Variants in TMEM178B observed in about 807,000 individuals in gnomAD.
TMEM178B encodes transmembrane protein 178B.
In TMEM178B, 5 loss-of-function variants were observed where a neutral mutation model predicts 31.0. The observed-to-expected ratio is 0.16, with a 90% confidence interval of 0.08 to 0.34. The LOEUF (loss-of-function observed/expected upper bound fraction) is 0.34. Ranked by LOEUF, TMEM178B falls within the 10% of genes least tolerant of loss-of-function variation. The pLI, the probability that TMEM178B is intolerant of heterozygous loss-of-function variation, is 1.00. For missense variants in TMEM178B, 275 were observed against 400.3 expected (o/e 0.69, Z 2.67); for synonymous variants, 164 against 164.0 (o/e 1.00, Z 0.00).
At chr7:141,311,316 A>G (rs1166377211) in intron 2 of TMEM178B, among the ~76,000 whole-genome samples, 2 of 152,230 alleles carry the variant, frequency 1.3e-5, no homozygotes, top group Non-Finnish European at 2.9e-5. Flanking sequence ...AGTTTTAAAA[A>G]TGTCCCATTT....
chr7:141,201,827 A>G (rs1021033373), intron 1 of TMEM178B, among the ~76,000 whole-genome samples: 1 of 152,236 alleles, frequency 6.6e-6, no homozygotes, highest in African/African-American at 2.4e-5. Context: ...TGATAAGAGC[A>G]GTAGAGTCTG....
intron 1 of TMEM178B, among the ~76,000 whole-genome samples, chr7:141,099,845 T>TG (rs1795023557): frequency 6.6e-6 from 1 of 151,486 alleles, no homozygotes; most frequent in South Asian, 2.1e-4. Flanking sequence ...TTTTTTTTTT[T>TG]TTGAGACAGA....
intron 2 of TMEM178B, among the ~76,000 whole-genome samples, chr7:141,336,856 CACT>C (rs1442271763): frequency 2.1e-5 from 3 of 144,662 alleles, no homozygotes; most frequent in South Asian, 2.3e-4. Flanking sequence ...CCATTACCAT[CACT>C]ACCATCATCA....
intron 3 of TMEM178B, among the ~76,000 whole-genome samples, chr7:141,451,130 A>C (rs1801854887): frequency 1.3e-5 from 2 of 152,184 alleles, no homozygotes; most frequent in Admixed American, 1.3e-4. Flanking sequence ...AAATGGAGCC[A>C]CTTCTGCTAC....
intron 2 of TMEM178B, among the ~76,000 whole-genome samples, chr7:141,335,037 CT>C (rs1478322379): frequency 1.3e-5 from 2 of 152,200 alleles, no homozygotes; most frequent in African/African-American, 4.8e-5. Context: ...TCTCCTGGGG[CT>C]GCCAAATCAA....
At position 141,192,472 on chromosome 7, in the gene TMEM178B, G is replaced by A. The variant is rs1324976382; in HGVS notation, c.383-20119G>A. Among the ~76,000 whole-genome samples, 4 of 149,622 alleles carry A rather than the reference G, an allele frequency of 2.7e-5. No homozygotes were observed. In the East Asian group the frequency reaches 7.9e-4, roughly 29 times the overall value. On this transcript the variant is annotated intron_variant, in intron 1 of 3. Transcript: ENST00000565468. ...GGGTTGAGAGATGGGAAGGAATGGG[G>A]ACTCTCCATGCAGCGGTCTTTTTTT...
At chr7:141,340,038 C>T (rs113715220) in intron 2 of TMEM178B, among the ~76,000 whole-genome samples, 3,987 of 152,282 alleles carry the variant, frequency 0.026, 89 homozygotes, top group African/African-American at 0.063. Context: ...CACCTTAATC[C>T]CTGGAACCTG....
intron 3 of TMEM178B, among the ~76,000 whole-genome samples, chr7:141,467,196 T>C (rs1802160276): frequency 2.0e-5 from 3 of 152,134 alleles, no homozygotes; most frequent in East Asian, 1.9e-4. Context: ...TCAGGGAGTC[T>C]AGGTTGAGAC....
At chr7:141,496,047 T>A in the TMEM178B span, among the ~76,000 whole-genome samples, 1 of 152,218 alleles carries the variant, frequency 6.6e-6, no homozygotes, top group Non-Finnish European at 1.5e-5. Flanking sequence ...GGCCATTCTC[T>A]GCAGTGCCCA....
intron 2 of TMEM178B, among the ~76,000 whole-genome samples, chr7:141,275,251 G>A (rs1197823400): frequency 6.6e-6 from 1 of 152,160 alleles, no homozygotes; most frequent in African/African-American, 2.4e-5. Flanking sequence ...ACTGTCTTGG[G>A]AACTGGGAAG....
intron 2 of TMEM178B, among the ~76,000 whole-genome samples, chr7:141,216,046 G>T (rs1300732666): frequency 6.6e-6 from 1 of 151,414 alleles, no homozygotes; most frequent in African/African-American, 2.4e-5. Context: ...GGCCAGGCTG[G>T]TCTTGAACTC....
intron 1 of TMEM178B, among the ~76,000 whole-genome samples, chr7:141,187,528 C>A (rs1796630073): frequency 6.6e-6 from 1 of 152,138 alleles, no homozygotes; most frequent in South Asian, 2.1e-4. Context: ...CTGACTTCCA[C>A]AATGGTTGAA....
At chr7:141,384,265 T>G (rs1451350865) in intron 2 of TMEM178B, among the ~76,000 whole-genome samples, 1 of 152,242 alleles carries the variant, frequency 6.6e-6, no homozygotes, top group African/African-American at 2.4e-5. Flanking sequence ...GCCATTGCTT[T>G]TGGTGTTTTA....
chr7:141,454,679 A>G (rs1164798612), intron 3 of TMEM178B, among the ~76,000 whole-genome samples: 1 of 149,350 alleles, frequency 6.7e-6, no homozygotes, highest in African/African-American at 2.5e-5. Flanking sequence ...TATCTGCTCT[A>G]CAGATTCAAA....
intron 2 of TMEM178B, among the ~76,000 whole-genome samples, chr7:141,327,333 A>T (rs1169763448): frequency 2.6e-5 from 4 of 152,210 alleles, no homozygotes; most frequent in African/African-American, 9.6e-5. Context: ...TTTCTGGAGC[A>T]GTTTTAGTTT....
At chr7:141,358,308 T>C (rs186891492) in intron 2 of TMEM178B, among the ~76,000 whole-genome samples, 2 of 152,314 alleles carry the variant, frequency 1.3e-5, no homozygotes, top group Non-Finnish European at 2.9e-5. Flanking sequence ...TCCCCGCTTC[T>C]TTATTTGCCC....
At chr7:141,234,047 TA>T (rs1797489266) in intron 2 of TMEM178B, among the ~76,000 whole-genome samples, 1 of 152,220 alleles carries the variant, frequency 6.6e-6, no homozygotes, top group Non-Finnish European at 1.5e-5. Context: ...CTGATGCTTC[TA>T]AAAAGATGTA....
rs376539689 is a variant in TMEM178B at position 141,282,066 on chromosome 7, C to T, written c.496+69362C>T. Among the ~76,000 whole-genome samples the T allele has an allele frequency of 6.4e-4, 98 of 152,238 alleles. 1 individual carries two copies. The South Asian group carries it at 0.018, about 28-fold the overall frequency. ...CAGCTATGGCAGTGGTTTGGGTGAACAGTGCTACAGGTGTGAACCAGGCCA... is the reference window on the plus strand; with the variant it reads ...CAGCTATGGCAGTGGTTTGGGTGAATAGTGCTACAGGTGTGAACCAGGCCA... On this transcript the variant is annotated intron_variant, in intron 2 of 3. Coordinates refer to ENST00000565468, the MANE Select transcript of TMEM178B (RefSeq NM_001195278.2).
At chr7:141,402,121 C>G (rs1800789844) in intron 2 of TMEM178B, among the ~76,000 whole-genome samples, 1 of 152,142 alleles carries the variant, frequency 6.6e-6, no homozygotes, top group Non-Finnish European at 1.5e-5. Context: ...AGCAACAGTC[C>G]TGCCCTCCGG....
Sources: gnomAD v4.1 joint callset for allele counts (sites outside exome capture counted in the v4.1 genomes callset) on GRCh38, gnomAD v4.1.1 for gene constraint, MANE v1.5 for transcripts, NCBI Gene and HGNC (gene_info 2026-07-23, HGNC 2026-07-21) for gene names.